The following CACNA2D2 variants were observed in gnomAD, a reference collection of about 807,000 sequenced individuals.
The protein encoded by CACNA2D2 is calcium voltage-gated channel auxiliary subunit alpha2delta 2, also known as voltage-dependent calcium channel subunit alpha-2/delta-2.
Under a neutral mutation model 166.4 loss-of-function variants are expected in CACNA2D2, and 48 were observed. The ratio of observed to expected loss-of-function variants is 0.29; its 90% CI spans 0.23 to 0.37. The LOEUF is 0.37. Ranked by LOEUF, CACNA2D2 falls within the 10% of genes least tolerant of loss-of-function variation. The pLI, the probability that CACNA2D2 is intolerant of heterozygous loss-of-function variation, is 1.00. For synonymous variants in CACNA2D2, 561 were observed against 573.7 expected, an observed-to-expected ratio of 0.98 and a Z score of 0.32; for missense variants, 1,122 against 1,433.0, an observed-to-expected ratio of 0.78 and a Z score of 3.50.
chr3:50,416,074 G>A (rs1475286779), intron 3 of CACNA2D2: 2 of 152,400 alleles, frequency 1.3e-5, no homozygotes, highest in East Asian at 1.9e-4. Context: ...ATTTACAGAG[G>A]TGGCCACTCT....
chr3:50,457,130 A>T (rs1709396004), intron 2 of CACNA2D2, among the ~76,000 whole-genome samples: 2 of 152,138 alleles, frequency 1.3e-5, no homozygotes, highest in African/African-American at 4.8e-5. Flanking sequence ...CGCGCCTGTA[A>T]TCCCAGCTAC....
At chr3:50,387,059 G>A (rs979365607) in intron 5 of CACNA2D2, among the ~76,000 whole-genome samples, 7 of 152,178 alleles carry the variant, frequency 4.6e-5, no homozygotes, top group South Asian at 4.1e-4. Flanking sequence ...GTGTGGCTTT[G>A]GGCTCTCTGG....
chr3:50,412,873 T>C (rs80094684), intron 3 of CACNA2D2, among the ~76,000 whole-genome samples: 9,850 of 152,222 alleles, frequency 0.065, 457 homozygotes, highest in Non-Finnish European at 0.1. Flanking sequence ...TGGTCAGAGA[T>C]GTCTGGCACC....
chr3:50,371,528 G>T (rs1211077782), intron 22 of CACNA2D2, among the ~76,000 whole-genome samples: 1 of 152,140 alleles, frequency 6.6e-6, no homozygotes, highest in Non-Finnish European at 1.5e-5. Context: ...ACTGTGGGTG[G>T]TCCACCTTCT....
At chr3:50,450,322 G>A (rs971423448) in intron 2 of CACNA2D2, among the ~76,000 whole-genome samples, 2 of 149,222 alleles carry the variant, frequency 1.3e-5, no homozygotes, top group Non-Finnish European at 3.0e-5. Flanking sequence ...TGGGCCCCAA[G>A]CCCCACCTAC....
chr3:50,456,642 TCA>T (rs1261233058), intron 2 of CACNA2D2, among the ~76,000 whole-genome samples: 1 of 152,158 alleles, frequency 6.6e-6, no homozygotes, highest in Non-Finnish European at 1.5e-5. Flanking sequence ...GGCCTGCCCC[TCA>T]CACACTCTGC....
chr3:50,421,921 G>A (rs533676960), intron 3 of CACNA2D2, among the ~76,000 whole-genome samples: 4 of 152,080 alleles, frequency 2.6e-5, no homozygotes, highest in South Asian at 4.2e-4. Context: ...GGGAGGTGTC[G>A]GCAGACATCT....
intron 1 of CACNA2D2, among the ~76,000 whole-genome samples, chr3:50,485,617 T>C (rs1698246479): frequency 6.6e-6 from 1 of 152,216 alleles, no homozygotes; most frequent in African/African-American, 2.4e-5. Context: ...TTCCTGTGTT[T>C]TGCACTCTGC....
chr3:50,490,981 G>A (rs546602854), intron 1 of CACNA2D2, among the ~76,000 whole-genome samples: 1 of 152,308 alleles, frequency 6.6e-6, no homozygotes, highest in East Asian at 1.9e-4. Flanking sequence ...GGTCCTGCCT[G>A]GGGTTGGCAG....
chr3:50,486,250 G>A (rs1698276318), intron 1 of CACNA2D2, among the ~76,000 whole-genome samples: 1 of 152,176 alleles, frequency 6.6e-6, no homozygotes, highest in Admixed American at 6.5e-5. Context: ...GGTCAGGGAG[G>A]AACCCAGGAG....
At chr3:50,439,331 C>G (rs1474646410) in intron 2 of CACNA2D2, among the ~76,000 whole-genome samples, 3 of 152,242 alleles carry the variant, frequency 2.0e-5, no homozygotes, top group Admixed American at 6.5e-5. Context: ...GGAGTCAAAA[C>G]AGGCACTCGC....
intron 3 of CACNA2D2, among the ~76,000 whole-genome samples, chr3:50,432,195 C>G (rs1451676080): frequency 1.3e-5 from 2 of 151,948 alleles, no homozygotes; most frequent in Non-Finnish European, 2.9e-5. Flanking sequence ...GTTGATTGTT[C>G]CTTTAGGGGT....
At chr3:50,412,064 C>T (rs1160549559) in intron 3 of CACNA2D2, among the ~76,000 whole-genome samples, 1 of 152,208 alleles carries the variant, frequency 6.6e-6, no homozygotes, top group Non-Finnish European at 1.5e-5. Flanking sequence ...CCAGGAGGCT[C>T]AGGGTGAGCC....
chr3:50,419,226 A>G (rs1383386583), intron 3 of CACNA2D2, among the ~76,000 whole-genome samples: 1 of 152,088 alleles, frequency 6.6e-6, no homozygotes, highest in Non-Finnish European at 1.5e-5. Context: ...TAAAACAGGG[A>G]CCTGAGGACA....
rs1421013076 is a variant in CACNA2D2 at position 50,380,100 on chromosome 3, A to G, written c.843-82T>C. The G allele has an allele frequency of 5.7e-6, 8 of 1,407,738 alleles. No individual in the cohort carries two copies. Among genetic ancestry groups the G allele is most frequent in the African/African-American group, 2.8e-5 (2 of 70,850 alleles). 87.2% of individuals were successfully genotyped at this position (1,407,738 alleles called of 1,614,324 possible). On this transcript the variant is annotated intron_variant, in intron 8 of 37. Transcript: ENST00000424201. The surrounding 1 kb of genome is among the most constrained non-coding windows in gnomAD (Gnocchi z 4.9). ...CTTCCTTCACATACATATTGATTCA[A>G]TACATTTCTCTTGAGCATGCACTGT...
chr3:50,405,742 C>G lies in CACNA2D2; in HGVS notation c.406-11574G>C, dbSNP rs193292090. ...TCAGGGGCCCACTGGCCCCCCCATA[C>G]AAAGGGGGAACTGAGGCCTGGAGGG... On this transcript the variant is annotated intron_variant, in intron 3 of 37. Coordinates refer to ENST00000424201, the MANE Select transcript of CACNA2D2 (RefSeq NM_006030.4). 2.8e-3 allele frequency among the ~76,000 whole-genome samples: 430 copies of G among 152,260 alleles called. 5 individuals carry two copies. The highest frequency in any genetic ancestry group is 9.4e-3 in the African/African-American group (390 of 41,560).
At chr3:50,503,704 C>T (rs2107208000), upstream of CACNA2D2, 1 of 153,000 alleles carries the variant, frequency 6.5e-6, no homozygotes, top group East Asian at 1.9e-4. Context: ...CCTCTTCTCT[C>T]CCTCCCTCCC....
rs755624253 is a variant in CACNA2D2, at chr3:50,379,585, G to A, written c.999C>T (p.Asn333=). 49 of 1,613,882 alleles carry A rather than the reference G, an allele frequency of 3.0e-5. No individual in the cohort carries two copies. Among genetic ancestry groups the A allele is most frequent in the Middle Eastern group, 1.6e-4 (1 of 6,062 alleles). ...DDDYVNVASF[N]EKAQPVSCFT... is the part of the protein sequence containing the mutation. The stretch of plus-strand genomic sequence containing the variant: ...AGCATGACACAGGCTGTGCCTTCTC[G>A]TTGAACTGCAGGAACAGTAGGGTGG... The change falls in exon 11 of 38, where the codon AAC becomes AAT. Residue 333 remains asparagine, a synonymous_variant. Transcript: ENST00000424201. The surrounding 1 kb of genome is among the most constrained non-coding windows in gnomAD (Gnocchi z 6.5).
intron 2 of CACNA2D2, among the ~76,000 whole-genome samples, chr3:50,449,938 G>A (rs924889853): frequency 3.4e-4 from 52 of 152,186 alleles, no homozygotes; most frequent in African/African-American, 1.2e-3. Context: ...CACCACCCAA[G>A]CTCACAAGGG....
Sources: allele counts gnomAD v4.1 joint callset (sites outside exome capture counted in the v4.1 genomes callset), GRCh38; gene constraint gnomAD v4.1.1; non-coding constraint Gnocchi (gnomAD v3.1); transcripts MANE v1.5; gene names NCBI Gene and HGNC (gene_info 2026-07-23, HGNC 2026-07-21).